Variants in PARD3 observed in about 807,000 individuals in gnomAD.
PARD3 encodes the protein partitioning defective 3 homolog.
Under a neutral mutation model 155.4 loss-of-function variants are expected in PARD3, and 75 were observed. The observed-to-expected ratio is 0.48, with a 90% CI of 0.40 to 0.58. The LOEUF is 0.58. Ranked by LOEUF, PARD3 falls within the 20% of genes least tolerant of loss-of-function variation. The probability of loss-of-function intolerance (pLI) is 0.00; values close to 1 mark genes in which losing one functional copy is unlikely to be tolerated. For missense variants in PARD3, 1,642 were observed against 1,721.7 expected, an observed-to-expected ratio of 0.95 and a Z score of 0.82; for synonymous variants, 576 against 610.5, an observed-to-expected ratio of 0.94 and a Z score of 0.83.
At chr10:34,401,414 T>C (rs978082588) in intron 6 of PARD3, among the ~76,000 whole-genome samples, 2 of 152,182 alleles carry the variant, frequency 1.3e-5, no homozygotes, top group Admixed American at 6.6e-5. Flanking sequence ...AATGCTAACA[T>C]GATCTAACTA....
intron 19 of PARD3, among the ~76,000 whole-genome samples, chr10:34,329,107 T>G (rs984501050): frequency 1.4e-4 from 22 of 152,196 alleles, no homozygotes; most frequent in African/African-American, 5.1e-4. Flanking sequence ...TACTGTTATT[T>G]CTCATTTTGT....
intron 22 of PARD3, among the ~76,000 whole-genome samples, chr10:34,206,383 G>A (rs772548691): frequency 1.8e-4 from 28 of 152,222 alleles, no homozygotes; most frequent in Non-Finnish European, 3.2e-4. Context: ...GGAAATGGGC[G>A]GCGTTTGCCT....
chr10:34,400,069 G>A (rs2132181388), intron 6 of PARD3, among the ~76,000 whole-genome samples: 1 of 152,284 alleles, frequency 6.6e-6, no homozygotes, highest in Middle Eastern at 3.4e-3. Context: ...TGCTACAAGT[G>A]CAGCTTACAA....
At chr10:34,167,238 A>G (rs968131439) in intron 22 of PARD3, among the ~76,000 whole-genome samples, 1 of 152,200 alleles carries the variant, frequency 6.6e-6, no homozygotes, top group Non-Finnish European at 1.5e-5. Flanking sequence ...AAGTTTGACT[A>G]TAATAAAGTA....
At chr10:34,412,809 C>G (rs1350318541) in intron 5 of PARD3, among the ~76,000 whole-genome samples, 1 of 151,934 alleles carries the variant, frequency 6.6e-6, no homozygotes, top group Admixed American at 6.6e-5. Flanking sequence ...ATTTTCATAT[C>G]AATATTTACC....
chr10:34,776,748 T>C (rs1343288703), intron 1 of PARD3, among the ~76,000 whole-genome samples: 3 of 147,582 alleles, frequency 2.0e-5, no homozygotes, highest in Non-Finnish European at 4.5e-5. Context: ...CCTCCTCCCA[T>C]CCGAATTCCA....
chr10:34,127,499 G>C (rs1470296143), intron 23 of PARD3, among the ~76,000 whole-genome samples: 1 of 152,158 alleles, frequency 6.6e-6, no homozygotes, highest in African/African-American at 2.4e-5. Flanking sequence ...TTCTACTGGA[G>C]AGTTCTGAGG....
chr10:34,756,399 C>T (rs1297628085), intron 1 of PARD3, among the ~76,000 whole-genome samples: 2 of 149,638 alleles, frequency 1.3e-5, no homozygotes, highest in Admixed American at 6.7e-5. Flanking sequence ...ATGATCTGCC[C>T]GCCTCGGCCT....
At chr10:34,369,928 C>T (rs1840409875) in intron 12 of PARD3, among the ~76,000 whole-genome samples, 2 of 152,132 alleles carry the variant, frequency 1.3e-5, no homozygotes, top group Admixed American at 1.3e-4. Context: ...ACGGAGTTTT[C>T]CTTGAGCAAT....
intron 3 of PARD3, among the ~76,000 whole-genome samples, chr10:34,491,126 G>A (rs747276148): frequency 2.0e-5 from 3 of 152,130 alleles, no homozygotes; most frequent in Admixed American, 2.0e-4. Context: ...TAGCCACACC[G>A]GCTATTTAGA....
chr10:34,121,085 C>T (rs1039802636), intron 23 of PARD3, among the ~76,000 whole-genome samples: 1 of 150,414 alleles, frequency 6.6e-6, no homozygotes, highest in Admixed American at 6.6e-5. Flanking sequence ...AAAGGAAAAA[C>T]GAAAAGAAAG....
rs58272972 is a variant in PARD3 at position 34,662,075 on chromosome 10, G to A, written c.222+34243C>T. On this transcript the variant is annotated intron_variant, in intron 2 of 24. Transcript: ENST00000374788. The stretch of plus-strand genomic sequence containing the variant: ...GGGCAGGGAGCTACTTAAGACAACT[G>A]CTCGGCTGACATCTCGGAGTGCCTA... Among the ~76,000 whole-genome samples, 1,217 of 152,258 alleles carry A rather than the reference G, an allele frequency of 8.0e-3. 16 individuals carry two copies. The highest frequency in any genetic ancestry group is 0.028 in the African/African-American group (1,166 of 41,528).
At chr10:34,676,391 T>C (rs573977089) in intron 2 of PARD3, among the ~76,000 whole-genome samples, 9 of 152,156 alleles carry the variant, frequency 5.9e-5, no homozygotes, top group African/African-American at 1.2e-4. Flanking sequence ...GCAGTGCTCC[T>C]TCCCACAATA....
chr10:34,145,126 CA>C (rs1948392996), intron 22 of PARD3, among the ~76,000 whole-genome samples: 2 of 144,490 alleles, frequency 1.4e-5, no homozygotes, highest in African/African-American at 5.2e-5. Context: ...TTCTAGCTTA[CA>C]AGACTGATGT....
chr10:34,389,552 T>TTGA (rs1842683479), intron 7 of PARD3, among the ~76,000 whole-genome samples: 1 of 152,220 alleles, frequency 6.6e-6, no homozygotes, highest in African/African-American at 2.4e-5. Flanking sequence ...GAGTTTTGCG[T>TTGA]TGATAATGTA....
At chr10:34,553,293 G>A (rs537840863) in intron 2 of PARD3, among the ~76,000 whole-genome samples, 3 of 152,298 alleles carry the variant, frequency 2.0e-5, no homozygotes, top group South Asian at 4.1e-4. Context: ...TTCCTCCCCA[G>A]TCTCTGAATC....
At chr10:34,568,200 T>C (rs1208838249) in intron 2 of PARD3, among the ~76,000 whole-genome samples, 1 of 152,220 alleles carries the variant, frequency 6.6e-6, no homozygotes, top group Admixed American at 6.5e-5. Context: ...CATTTTATGC[T>C]GCTGGAATAT....
chr10:34,299,310 ATCCATGAG>A (rs1340219777), intron 20 of PARD3, among the ~76,000 whole-genome samples: 1 of 152,128 alleles, frequency 6.6e-6, no homozygotes, highest in East Asian at 1.9e-4. Flanking sequence ...GAAAACAACA[ATCCATGAG>A]TCAGAACTGA....
intron 2 of PARD3, among the ~76,000 whole-genome samples, chr10:34,634,233 A>G (rs910792164): frequency 2.0e-5 from 3 of 152,238 alleles, no homozygotes; most frequent in Non-Finnish European, 4.4e-5. Flanking sequence ...TCCCCTAATT[A>G]CTAAGGAGCT....
Sources: allele counts gnomAD v4.1 joint callset (sites outside exome capture counted in the v4.1 genomes callset), GRCh38; gene constraint gnomAD v4.1.1; transcripts MANE v1.5; gene names NCBI Gene and HGNC (gene_info 2026-07-23, HGNC 2026-07-21).